GPR83: variants seen among roughly 807,000 people sequenced by gnomAD.
The protein encoded by GPR83 is G-protein coupled receptor 72.
A neutral mutation model predicts 28.0 loss-of-function variants in GPR83; 23 were observed. The observed-to-expected ratio is 0.82, with a 90% CI of 0.59 to 1.16. GPR83 has a LOEUF of 1.16. Among genes scored for constraint, GPR83 ranks in the 50% most tolerant of loss-of-function variants. GPR83 has a pLI of 0.00. For missense variants in GPR83, 610 were observed against 536.6 expected, an observed-to-expected ratio of 1.14 and a Z score of -1.35; for synonymous variants, 234 against 215.4, an observed-to-expected ratio of 1.09 and a Z score of -0.76.
chr11:94,394,245 A>T (rs1422719253), intron 2 of GPR83, among the ~76,000 whole-genome samples: 1 of 152,176 alleles, frequency 6.6e-6, no homozygotes, highest in Non-Finnish European at 1.5e-5. Context: ...GTCTGAGCTG[A>T]CAGACAGGAA....
intron 3 of GPR83, among the ~76,000 whole-genome samples, chr11:94,392,534 A>C (rs1303978689): frequency 6.6e-6 from 1 of 151,744 alleles, no homozygotes; most frequent in Non-Finnish European, 1.5e-5. Context: ...GACAAAAATC[A>C]CTCTATGGGG....
chr11:94,390,067 A>G (rs1416654546), intron 3 of GPR83, among the ~76,000 whole-genome samples: 1 of 152,120 alleles, frequency 6.6e-6, no homozygotes, highest in African/African-American at 2.4e-5. Context: ...AACTATCACA[A>G]GGACAAAAAA....
intron 3 of GPR83, among the ~76,000 whole-genome samples, chr11:94,382,081 G>A (rs560663275): frequency 2.0e-5 from 3 of 152,226 alleles, no homozygotes; most frequent in South Asian, 2.1e-4. Context: ...GGCCCAGCAC[G>A]GTGGCTCATG....
chr11:94,399,104 G>C (rs1244127829), intron 1 of GPR83, among the ~76,000 whole-genome samples: 1 of 152,112 alleles, frequency 6.6e-6, no homozygotes, highest in Non-Finnish European at 1.5e-5. Flanking sequence ...AGCAAAAAAG[G>C]CCATGTTCTG....
chr11:94,393,459 G>A (rs748734420), intron 3 of GPR83, 26 bp downstream of exon 3: 17 of 1,612,284 alleles, frequency 1.1e-5, no homozygotes, highest in Middle Eastern at 3.3e-4. Flanking sequence ...CAAGTCCCCA[G>A]GCAGATCCCA....
Position 94,398,874 on chromosome 11 carries a change from G to C in GPR83, c.387+1987C>G, listed in dbSNP as rs115972916. The stretch of plus-strand genomic sequence containing the variant: ...CCTTATAAACTGTAATCCAAGTTTG[G>C]ATTGGGGCAGCTTGATGGGTCAGGT... On this transcript the variant is annotated intron_variant, in intron 1 of 3. Transcript: ENST00000243673. Among the ~76,000 whole-genome samples, 878 of 152,270 alleles carry C rather than the reference G, an allele frequency of 5.8e-3. 13 individuals are homozygous for C. The highest frequency in any genetic ancestry group is 0.02 in the African/African-American group (847 of 41,528).
At chr11:94,387,956 C>T (rs916642493) in intron 3 of GPR83, among the ~76,000 whole-genome samples, 1 of 152,172 alleles carries the variant, frequency 6.6e-6, no homozygotes, top group Admixed American at 6.5e-5. Context: ...TCCAGCAACA[C>T]ATCAAAAAGC....
chr11:94,397,112 C>T (rs951662082), intron 1 of GPR83, among the ~76,000 whole-genome samples: 5 of 152,158 alleles, frequency 3.3e-5, no homozygotes, highest in African/African-American at 1.2e-4. Flanking sequence ...GCTGGCAAAT[C>T]TTGGCTAAAC....
chr11:94,389,697 T>C (rs1487632093), intron 3 of GPR83, among the ~76,000 whole-genome samples: 3 of 152,082 alleles, frequency 2.0e-5, no homozygotes, highest in Non-Finnish European at 2.9e-5. Context: ...TGTGGAGAAA[T>C]AGGAATACTT....
intron 3 of GPR83, among the ~76,000 whole-genome samples, chr11:94,384,908 G>A (rs1214055773): frequency 6.6e-6 from 1 of 152,202 alleles, no homozygotes; most frequent in Admixed American, 6.5e-5. Flanking sequence ...CCTCAAGTGG[G>A]TCCTTGACCC....
intron 3 of GPR83, among the ~76,000 whole-genome samples, chr11:94,384,881 G>C (rs1253901987): frequency 6.6e-6 from 1 of 152,228 alleles, no homozygotes; most frequent in African/African-American, 2.4e-5. Flanking sequence ...CTTGAGATCT[G>C]AGAACGGATA....
At chr11:94,389,829 C>T (rs918112869) in intron 3 of GPR83, among the ~76,000 whole-genome samples, 18 of 152,070 alleles carry the variant, frequency 1.2e-4, no homozygotes, top group African/African-American at 3.6e-4. Flanking sequence ...GGTATATACC[C>T]GAAGGATTAT....
rs1446600064 is a variant in GPR83, at chr11:94,396,501, C to A, written c.411G>T (p.Trp137Cys). The A allele has an allele frequency of 8.1e-6, 13 of 1,614,034 alleles. No homozygotes were observed. The highest frequency in any genetic ancestry group is 1.1e-5 in the Non-Finnish European group (13 of 1,179,894). Residue 137 changes from tryptophan to cysteine, a missense_variant, in exon 2 of 4, where the codon TGG (tryptophan) becomes TGT (cysteine). Trp to Cys is a radical substitution (Grantham distance 215). Coordinates refer to ENST00000243673, the MANE Select transcript of GPR83 (RefSeq NM_016540.4). ...CATGGCACATGCCCTTCCCAAATAT[C>A]CATGTGCTGTTCACAAAGCGAACCT... ...FTLVRFVNSTWIFGKGMCHVS... is the reference protein window; with the variant it reads ...FTLVRFVNSTCIFGKGMCHVS...
chr11:94,400,775 G>T, intron 1 of GPR83, 86 bp downstream of exon 1: 1 of 1,252,308 alleles, frequency 8.0e-7, no homozygotes, highest in Non-Finnish European at 1.1e-6. Flanking sequence ...ACAGGGAGAC[G>T]CAGAACGGCA....
At chr11:94,396,645 T>G in intron 1 of GPR83, 121 bp from the exon 2 acceptor site, 1 of 917,566 alleles carries the variant, frequency 1.1e-6, no homozygotes, top group Non-Finnish European at 1.7e-6. Flanking sequence ...TCTTTCTGTC[T>G]ATGATACTGA....
Position 94,383,045 on chromosome 11 carries a change from G to A in GPR83, c.648-2272C>T, listed in dbSNP as rs554528036. On this transcript the variant is annotated intron_variant, in intron 3 of 3. Coordinates refer to ENST00000243673, the MANE Select transcript of GPR83 (RefSeq NM_016540.4). The stretch of plus-strand genomic sequence containing the variant: ...TAGCCAGGCTTGGTAGCGGGCACCT[G>A]TAGTCCCAGCTACTCGGGAGGCTGA... 4.6e-5 allele frequency among the ~76,000 whole-genome samples: 7 copies of A among 151,854 alleles called. No individual in the cohort carries two copies. The East Asian group carries it at 1.4e-3, about 29-fold the overall frequency.
In GPR83 at chr11:94,378,690, A is replaced by T. The variant is rs1944646365; in HGVS notation, c.*1459T>A. The T allele has an allele frequency of 6.6e-6, 1 of 152,648 alleles. No homozygotes were observed. Among genetic ancestry groups the T allele is most frequent in the Admixed American group, 6.5e-5 (1 of 15,278 alleles). 9.5% of individuals were successfully genotyped at this position (152,648 alleles called of 1,614,324 possible). On this transcript the variant is annotated 3_prime_UTR_variant, in exon 4 of 4. Coordinates refer to ENST00000243673, the MANE Select transcript of GPR83 (RefSeq NM_016540.4). Reference sequence around the variant, plus strand: ...TGAAAAAACCCTCATTATTTAGACAACACAGCGAAATGGCCTTTCTAGACA... The same window carrying T: ...TGAAAAAACCCTCATTATTTAGACATCACAGCGAAATGGCCTTTCTAGACA...
At chr11:94,396,569 T>G in intron 1 of GPR83, 45 bp from the exon 2 acceptor site, 1 of 1,601,924 alleles carries the variant, frequency 6.2e-7, no homozygotes, top group Non-Finnish European at 8.5e-7. Flanking sequence ...AGGCCTTGAC[T>G]TTGACACCCA....
Position 94,400,919 on chromosome 11 carries a change from A to G in GPR83, c.329T>C (p.Ile110Thr). 6.2e-7 allele frequency: 1 copy of G among 1,614,156 alleles called. No individual in the cohort carries two copies. The highest frequency in any genetic ancestry group is 8.5e-7 in the Non-Finnish European group (1 of 1,179,988). ...TATGTCGGCAACTGCCAGGTTGACG[A>G]TGAAGAGGCTGGTGGCCGAGTGCAT... ...QRMHSATSLFIVNLAVADIMI... is the reference protein window; with the variant it reads ...QRMHSATSLFTVNLAVADIMI... Residue 110 changes from isoleucine to threonine, a missense_variant, in exon 1 of 4, where the codon ATC becomes ACC. Transcript: ENST00000243673.
Sources: allele counts gnomAD v4.1 joint callset (sites outside exome capture counted in the v4.1 genomes callset), GRCh38; gene constraint gnomAD v4.1.1; transcripts MANE v1.5; gene names NCBI Gene and HGNC (gene_info 2026-07-23, HGNC 2026-07-21).